The following WDR47 variants were observed in gnomAD, a reference collection of about 807,000 sequenced individuals.
WDR47 encodes the protein WD repeat domain 47, also known as WD repeat-containing protein 47.
A neutral mutation model predicts 97.2 loss-of-function variants in WDR47; 32 were observed. The ratio of observed to expected loss-of-function variants is 0.33; its 90% CI spans 0.25 to 0.44. The LOEUF is 0.44. Among genes scored for constraint, WDR47 ranks in the 20% least tolerant of loss-of-function variants. The probability of loss-of-function intolerance (pLI) is 1.00; values close to 1 mark genes in which losing one functional copy is unlikely to be tolerated. For missense variants in WDR47, 782 were observed against 1,102.3 expected, an observed-to-expected ratio of 0.71 and a Z score of 4.11; for synonymous variants, 375 against 373.5, an observed-to-expected ratio of 1.00 and a Z score of -0.05.
chr1:109,037,784 T>C (rs1345890482), intron 1 of WDR47, among the ~76,000 whole-genome samples: 1 of 152,170 alleles, frequency 6.6e-6, no homozygotes. Context: ...ATGTCAAGCA[T>C]ACTACATAAC....
At chr1:108,978,067 C>T (rs963324713) in intron 13 of WDR47, among the ~76,000 whole-genome samples, 1 of 151,404 alleles carries the variant, frequency 6.6e-6, no homozygotes, top group African/African-American at 2.4e-5. Flanking sequence ...TTGAACAGTT[C>T]CAAGCTGTAT....
intron 2 of WDR47, among the ~76,000 whole-genome samples, chr1:109,022,652 T>C (rs1009615817): frequency 2.6e-5 from 4 of 152,116 alleles, no homozygotes; most frequent in African/African-American, 9.7e-5. Flanking sequence ...CGGTGCGATC[T>C]CAGCTCACTG....
intron 9 of WDR47, among the ~76,000 whole-genome samples, chr1:108,987,725 C>T (rs554749420): frequency 1.1e-4 from 17 of 152,190 alleles, no homozygotes; most frequent in East Asian, 1.9e-4. Context: ...GCCTCAGTCT[C>T]CCAAAGTGCT....
intron 14 of WDR47, among the ~76,000 whole-genome samples, chr1:108,974,141 G>A (rs994818132): frequency 1.3e-5 from 2 of 151,922 alleles, no homozygotes; most frequent in African/African-American, 4.8e-5. Flanking sequence ...GATACAGTGA[G>A]CTAAGATCAC....
chr1:109,001,888 C>A (rs1660224821), intron 7 of WDR47, among the ~76,000 whole-genome samples: 1 of 147,578 alleles, frequency 6.8e-6, no homozygotes, highest in South Asian at 2.2e-4. Flanking sequence ...GAGAGCCTTG[C>A]CTCAAAAAAA....
chr1:109,023,242 T>C (rs1346070802), intron 2 of WDR47, 113 bp downstream of exon 2: 12 of 988,724 alleles, frequency 1.2e-5, no homozygotes, highest in East Asian at 9.7e-5. Context: ...AAAATTATAC[T>C]TACATAGCCT....
intron 13 of WDR47, among the ~76,000 whole-genome samples, chr1:108,981,119 T>G (rs936638868): frequency 9.3e-5 from 14 of 149,790 alleles, no homozygotes; most frequent in African/African-American, 3.0e-4. Context: ...CAGTGTGAGA[T>G]TCCATCTCAA....
intron 8 of WDR47, among the ~76,000 whole-genome samples, chr1:108,994,460 A>C (rs1659605350): frequency 6.6e-6 from 1 of 151,864 alleles, no homozygotes; most frequent in African/African-American, 2.4e-5. Flanking sequence ...TATATAGCAA[A>C]AGGCTGGGTG....
At chr1:109,012,216 A>G (rs1358903845) in intron 4 of WDR47, among the ~76,000 whole-genome samples, 3 of 152,118 alleles carry the variant, frequency 2.0e-5, no homozygotes, top group Non-Finnish European at 4.4e-5. Flanking sequence ...ATTCCAGCTT[A>G]CCCAAAAGGC....
chr1:109,042,001 C>T lies in WDR47; in HGVS notation c.-149G>A. On this transcript the variant is annotated 5_prime_UTR_variant, in exon 1 of 15. Coordinates refer to ENST00000369962, the MANE Select transcript of WDR47 (RefSeq NM_001142551.2). ...GGTCTGGGTTTGGCGTCGGTCCTCCCTCCTACCGCCCGCGCGTCAATCCAT... is the reference window on the plus strand; with the variant it reads ...GGTCTGGGTTTGGCGTCGGTCCTCCTTCCTACCGCCCGCGCGTCAATCCAT... 6.6e-6 allele frequency: 1 copy of T among 152,514 alleles called. No individual in the cohort carries two copies. Among genetic ancestry groups the T allele is most frequent in the Non-Finnish European group, 1.5e-5 (1 of 68,200 alleles). The allele number at this position is 152,514 out of a possible 1,614,324, so 9.4% of individuals were successfully genotyped here. A position where few individuals can be genotyped will look rare whatever the true frequency, so the allele number is the denominator to read the frequency against.
At chr1:108,979,070 A>C (rs1378947976) in intron 13 of WDR47, among the ~76,000 whole-genome samples, 2 of 152,210 alleles carry the variant, frequency 1.3e-5, no homozygotes, top group Non-Finnish European at 2.9e-5. Context: ...ATAGAGAAGC[A>C]GAGGAGGAGA....
chr1:108,974,563 T>C lies in WDR47; in HGVS notation c.2590A>G (p.Met864Val). The C allele has an allele frequency of 4.3e-6, 7 of 1,614,170 alleles. No homozygotes were observed. The highest frequency in any genetic ancestry group is 5.1e-6 in the Non-Finnish European group (6 of 1,180,022). Residue 864 changes from methionine (M) to valine (V), a missense_variant, in exon 14 of 15, where the codon ATG (methionine) becomes GTG (valine). Transcript: ENST00000369962. ...TGTAGGTCTGTCACCTTTATTTTCA[T>C]ATCATAAGAGCCTGTTAGCAAGTAG... ...AHYLLTGSYD[M>V]KIKVTDLQGD...
At chr1:109,032,719 A>G (rs1662686500) in intron 1 of WDR47, among the ~76,000 whole-genome samples, 1 of 151,562 alleles carries the variant, frequency 6.6e-6, no homozygotes, top group East Asian at 1.9e-4. Context: ...CAACGTGGCA[A>G]AACCCTGTCT....
intron 13 of WDR47, among the ~76,000 whole-genome samples, chr1:108,977,653 A>G (rs1241429169): frequency 6.6e-6 from 1 of 152,076 alleles, no homozygotes; most frequent in African/African-American, 2.4e-5. Context: ...GAAGTTCGAG[A>G]CCAGCCTGGC....
At chr1:108,981,908 T>C (rs1658373053) in intron 12 of WDR47, 44 bp from the exon 13 acceptor site, 2 of 1,586,722 alleles carry the variant, frequency 1.3e-6, no homozygotes, top group African/African-American at 1.4e-5. Flanking sequence ...GGAGAGTATC[T>C]TTCCATAACA....
chr1:109,024,096 G>A (rs1264626827), intron 1 of WDR47, among the ~76,000 whole-genome samples: 4 of 152,214 alleles, frequency 2.6e-5, no homozygotes, highest in Non-Finnish European at 4.4e-5. Flanking sequence ...TAGTCTAGCA[G>A]TAATACCTAA....
chr1:109,004,827 T>C, intron 5 of WDR47, 112 bp from the exon 6 acceptor site: 4 of 1,292,730 alleles, frequency 3.1e-6, no homozygotes, highest in Non-Finnish European at 4.0e-6. Flanking sequence ...ATGGAGTCTC[T>C]CTCTGTAGCC....
chr1:109,004,730 G>A lies in WDR47; in HGVS notation c.1131-15C>T, dbSNP rs756961426. The stretch of plus-strand genomic sequence containing the variant: ...CAGGTGTATCACTTCTTCCAGAAAC[G>A]TGCAAAAAAACAAAAAGGCAGAGGG... On this transcript the variant is annotated splice_polypyrimidine_tract_variant and intron_variant, in intron 5 of 14. Transcript: ENST00000369962. 1.3e-5 allele frequency: 20 copies of A among 1,567,382 alleles called. No individual in the cohort carries two copies. The highest frequency in any genetic ancestry group is 7.9e-5 in the Admixed American group (4 of 50,946).
chr1:108,983,786 A>T (rs200256383), intron 10 of WDR47, among the ~76,000 whole-genome samples: 18 of 27,332 alleles, frequency 6.6e-4, no homozygotes, highest in South Asian at 2.5e-3. Context: ...TTCCAAATTT[A>T]AAAAAAAAAT....
Sources: allele counts gnomAD v4.1 joint callset (sites outside exome capture counted in the v4.1 genomes callset), GRCh38; gene constraint gnomAD v4.1.1; transcripts MANE v1.5; gene names NCBI Gene and HGNC (gene_info 2026-07-23, HGNC 2026-07-21).